SNX29: variants seen among roughly 807,000 people sequenced by gnomAD.
SNX29 encodes the protein sorting nexin-29.
In SNX29, 78 loss-of-function variants were observed where a neutral mutation model predicts 102.1. That is an observed-to-expected ratio of 0.76 (90% CI 0.64 to 0.92). The LOEUF is 0.92. Ranked by LOEUF, SNX29 falls within the 40% of genes least tolerant of loss-of-function variation. The pLI is 0.00. For missense variants in SNX29, 1,280 were observed against 1,061.7 expected (o/e 1.21, Z -2.86); for synonymous variants, 580 against 414.5 (o/e 1.40, Z -4.85).
At chr16:11,991,254 AT>A (rs1424989278) in intron 1 of SNX29, among the ~76,000 whole-genome samples, 1 of 152,242 alleles carries the variant, frequency 6.6e-6, no homozygotes, top group African/African-American at 2.4e-5. Flanking sequence ...TTTATTGTGT[AT>A]TCATCTGCCC....
At chr16:12,109,725 C>T (rs566426447) in intron 11 of SNX29, among the ~76,000 whole-genome samples, 24 of 145,686 alleles carry the variant, frequency 1.6e-4, no homozygotes, top group Non-Finnish European at 1.5e-5. Flanking sequence ...GTTGAGCTTC[C>T]ATTGCCCTCA....
At chr16:12,448,350 A>G (rs1386054583) in intron 18 of SNX29, among the ~76,000 whole-genome samples, 2 of 152,232 alleles carry the variant, frequency 1.3e-5, no homozygotes, top group Non-Finnish European at 2.9e-5. Flanking sequence ...GACAGACACC[A>G]GCTGAGTATT....
intron 6 of SNX29, among the ~76,000 whole-genome samples, chr16:12,047,911 C>G (rs2050152465): frequency 6.6e-6 from 1 of 152,082 alleles, no homozygotes; most frequent in Admixed American, 6.6e-5. Flanking sequence ...CCTGTCTCAG[C>G]CTTCCAAAGT....
chr16:12,563,167 G>C (rs1427939123), intron 20 of SNX29, among the ~76,000 whole-genome samples: 1 of 149,946 alleles, frequency 6.7e-6, no homozygotes, highest in East Asian at 2.0e-4. Flanking sequence ...GGGCAACTCT[G>C]GGCTCAGGGA....
chr16:12,461,569 C>G (rs1035582618), intron 18 of SNX29, among the ~76,000 whole-genome samples: 3 of 152,084 alleles, frequency 2.0e-5, no homozygotes, highest in African/African-American at 7.2e-5. Flanking sequence ...AAGTAACCTC[C>G]CATCCGTCAC....
At chr16:12,522,786 C>T (rs1462977081) in intron 19 of SNX29, among the ~76,000 whole-genome samples, 1 of 152,132 alleles carries the variant, frequency 6.6e-6, no homozygotes, top group Non-Finnish European at 1.5e-5. Flanking sequence ...TATAAATTAC[C>T]CAGTCTCAGG....
intron 6 of SNX29, among the ~76,000 whole-genome samples, chr16:12,047,016 C>A (rs529509969): frequency 1.3e-5 from 2 of 152,128 alleles, no homozygotes; most frequent in Non-Finnish European, 2.9e-5. Flanking sequence ...ATATACATTG[C>A]GGGGAATTGG....
intron 11 of SNX29, among the ~76,000 whole-genome samples, chr16:12,105,986 C>G (rs1246360445): frequency 6.6e-6 from 1 of 152,158 alleles, no homozygotes. Context: ...GGAGTCTGTA[C>G]TAATCCATCT....
intron 11 of SNX29, among the ~76,000 whole-genome samples, chr16:12,079,561 G>T (rs1185453494): frequency 6.6e-6 from 1 of 152,186 alleles, no homozygotes; most frequent in Non-Finnish European, 1.5e-5. Flanking sequence ...AAGGCGTTTG[G>T]GAGGCACCTA....
At chr16:12,443,441 T>A (rs2085900431) in intron 18 of SNX29, 1 of 154,132 alleles carries the variant, frequency 6.5e-6, no homozygotes, top group Non-Finnish European at 1.4e-5. Flanking sequence ...CAGCTCTAAA[T>A]CTTTCTAAGA....
intron 3 of SNX29, among the ~76,000 whole-genome samples, chr16:12,026,981 C>T (rs1385488915): frequency 6.6e-6 from 1 of 152,204 alleles, no homozygotes; most frequent in Non-Finnish European, 1.5e-5. Flanking sequence ...AACCGCTCCC[C>T]ACACTGAACT....
intron 11 of SNX29, chr16:12,095,153 C>T (rs1472507217): frequency 1.3e-5 from 2 of 152,176 alleles, no homozygotes; most frequent in Admixed American, 6.5e-5. Context: ...CTCACTGGTA[C>T]TACTTTACTA....
At chr16:12,091,365 T>TA (rs2052534087) in intron 11 of SNX29, among the ~76,000 whole-genome samples, 1 of 152,116 alleles carries the variant, frequency 6.6e-6, no homozygotes, top group Non-Finnish European at 1.5e-5. Flanking sequence ...ACTGAATGTT[T>TA]GTGTGCCCCT....
At chr16:12,413,830 G>C (rs954227562) in intron 18 of SNX29, among the ~76,000 whole-genome samples, 6 of 152,192 alleles carry the variant, frequency 3.9e-5, no homozygotes, top group African/African-American at 1.4e-4. Context: ...CTCCTAAATG[G>C]TGGTGTCCAT....
At position 12,571,295 on chromosome 16, in the gene SNX29, A is replaced by AC. The variant is rs1282861056; in HGVS notation, c.*2669dup. 4.3e-6 allele frequency: 1 copy of AC among 231,844 alleles called. No homozygotes were observed. Among genetic ancestry groups the AC allele is most frequent in the African/African-American group, 2.2e-5 (1 of 45,214 alleles). 14.4% of individuals were successfully genotyped at this position (231,844 alleles called of 1,614,324 possible). On this transcript the variant is annotated 3_prime_UTR_variant, in exon 21 of 21. Coordinates refer to ENST00000566228, the MANE Select transcript of SNX29 (RefSeq NM_032167.5). ...CTGAAACCTGGTGCCCAAATTCCACACCCTGGAAATGTGTCAACTGCCTGT... is the reference window on the plus strand; with the variant it reads ...CTGAAACCTGGTGCCCAAATTCCACACCCCTGGAAATGTGTCAACTGCCTGT...
chr16:12,335,742 G>A (rs1181897026), intron 15 of SNX29, among the ~76,000 whole-genome samples: 3 of 151,904 alleles, frequency 2.0e-5, no homozygotes, highest in Non-Finnish European at 4.4e-5. Context: ...ATTTCTTTAT[G>A]TGCTAGACAG....
In SNX29 at chr16:12,406,630, A is replaced by G. The variant is rs146229039; in HGVS notation, c.2037+3101A>G. Among the ~76,000 whole-genome samples the G allele has an allele frequency of 1.5e-3, 231 of 152,312 alleles. 10 individuals carry two copies. In the East Asian group the frequency reaches 0.039, roughly 26 times the overall value. ...TATTAATTAAAATGAGATTTATATC[A>G]ATTAAAATGGCTCATGCCTATAATC... is the stretch of plus-strand genomic sequence containing the variant. On this transcript the variant is annotated intron_variant, in intron 18 of 20. Coordinates refer to ENST00000566228, the MANE Select transcript of SNX29 (RefSeq NM_032167.5).
intron 8 of SNX29, among the ~76,000 whole-genome samples, chr16:12,057,218 T>C (rs922118201): frequency 6.6e-6 from 1 of 152,254 alleles, no homozygotes. Flanking sequence ...TGTGTCTCGC[T>C]ATTCTGCATC....
Position 12,570,123 on chromosome 16 carries a change from G to C in SNX29, c.*1494G>C. 1 of 1,037,414 alleles carries C rather than the reference G, an allele frequency of 9.6e-7. No homozygotes were observed. Among genetic ancestry groups the C allele is most frequent in the Non-Finnish European group, 1.2e-6 (1 of 854,288 alleles). The allele number at this position is 1,037,414 out of a possible 1,614,324, so 64.3% of individuals were successfully genotyped here. On this transcript the variant is annotated 3_prime_UTR_variant, in exon 21 of 21. Transcript: ENST00000566228. ...GTAGCAAAAAGGAAGATTGTTCATGGCCTTTAAGGAAGGCTGAGATCACTC... is the reference window on the plus strand; with the variant it reads ...GTAGCAAAAAGGAAGATTGTTCATGCCCTTTAAGGAAGGCTGAGATCACTC...
Sources: allele counts gnomAD v4.1 joint callset (sites outside exome capture counted in the v4.1 genomes callset), GRCh38; gene constraint gnomAD v4.1.1; transcripts MANE v1.5; gene names NCBI Gene and HGNC (gene_info 2026-07-23, HGNC 2026-07-21).